LHCGR: variants seen among roughly 807,000 people sequenced by gnomAD.
LHCGR encodes luteinizing hormone/choriogonadotropin receptor.
Under a neutral mutation model 60.7 loss-of-function variants are expected in LHCGR, and 55 were observed. That is an observed-to-expected ratio of 0.91 (90% CI 0.73 to 1.13). The LOEUF (loss-of-function observed/expected upper bound fraction) is 1.13. Among genes scored for constraint, LHCGR ranks in the 50% most tolerant of loss-of-function variants. LHCGR has a pLI of 0.00. For synonymous variants in LHCGR, 337 were observed against 316.5 expected, an observed-to-expected ratio of 1.06 and a Z score of -0.69; for missense variants, 862 against 836.0, an observed-to-expected ratio of 1.03 and a Z score of -0.38.
intron 1 of LHCGR, 88 bp from the exon 2 acceptor site, chr2:48,731,386 T>A: frequency 1.2e-6 from 1 of 867,792 alleles, no homozygotes; most frequent in South Asian, 1.3e-5. Context: ...TGTGTATGTG[T>A]GTGAGAGACA....
At chr2:48,745,219 G>T (rs1474229001) in intron 1 of LHCGR, among the ~76,000 whole-genome samples, 2 of 152,220 alleles carry the variant, frequency 1.3e-5, no homozygotes, top group African/African-American at 4.8e-5. Context: ...AGGATGTGGA[G>T]AAATAGGAAC....
In LHCGR at chr2:48,755,558, G is replaced by A. The variant is rs74469055; in HGVS notation, c.114C>T (p.Pro38=). 2.1e-5 allele frequency: 33 copies of A among 1,540,802 alleles called. No homozygotes were observed. The highest frequency in any genetic ancestry group is 2.9e-5 in the Non-Finnish European group (33 of 1,145,072). ...GGCCGGGGCAGCGCAGGGCGCCGTC[G>A]GGCACGCAGTTGCAGGGCTCAGGGC... is the stretch of plus-strand genomic sequence containing the variant. ...ALCPEPCNCV[P]DGALRCPGPT... Residue 38 remains proline (P), a synonymous_variant, in exon 1 of 11, where the codon CCC becomes CCT. Coordinates refer to ENST00000294954, the MANE Select transcript of LHCGR (RefSeq NM_000233.4).
chr2:48,731,210 T>G lies in LHCGR; in HGVS notation c.233+17A>C. On this transcript the variant is annotated intron_variant, in intron 2 of 10. Transcript: ENST00000294954. The stretch of plus-strand genomic sequence containing the variant: ...TTCCAATTACGAATGTCTTTTGATA[T>G]GCAGTAACTTACTTACATTTTTATG... 1 of 1,529,576 alleles carries G rather than the reference T, an allele frequency of 6.5e-7. No individual in the cohort carries two copies. Among genetic ancestry groups the G allele is most frequent in the Non-Finnish European group, 9.1e-7 (1 of 1,104,138 alleles). 94.8% of individuals were successfully genotyped at this position (1,529,576 alleles called of 1,614,324 possible). A position where few individuals can be genotyped will look rare whatever the true frequency, so the allele number is the denominator to read the frequency against.
intron 1 of LHCGR, among the ~76,000 whole-genome samples, chr2:48,744,054 ACAAACAGAGAGC>A (rs1345876225): frequency 1.1e-5 from 1 of 92,062 alleles, no homozygotes; most frequent in Non-Finnish European, 2.1e-5. Context: ...CCAACAACAG[ACAAACAGAGAGC>A]CAAATCATGA....
chr2:48,749,576 G>A (rs1669861308), intron 1 of LHCGR, among the ~76,000 whole-genome samples: 1 of 152,008 alleles, frequency 6.6e-6, no homozygotes, highest in Non-Finnish European at 1.5e-5. Flanking sequence ...AGCCACTCTG[G>A]GAGATTATAT....
At chr2:48,711,622 G>A (rs148883176) in intron 7 of LHCGR, among the ~76,000 whole-genome samples, 1 of 152,292 alleles carries the variant, frequency 6.6e-6, no homozygotes, top group African/African-American at 2.4e-5. Flanking sequence ...CTAAATTTCT[G>A]TTTTTCCTGA....
intron 1 of LHCGR, among the ~76,000 whole-genome samples, chr2:48,749,736 A>AG (rs1176180026): frequency 6.6e-6 from 1 of 151,540 alleles, no homozygotes; most frequent in Non-Finnish European, 1.5e-5. Flanking sequence ...AAAAAAAAAA[A>AG]AAGAAGAAAA....
At chr2:48,712,918 G>A (rs1427438517) in intron 7 of LHCGR, among the ~76,000 whole-genome samples, 2 of 152,168 alleles carry the variant, frequency 1.3e-5, no homozygotes, top group South Asian at 4.2e-4. Flanking sequence ...GCCACCAAAC[G>A]ATATAGCACA....
intron 6 of LHCGR, among the ~76,000 whole-genome samples, chr2:48,716,076 T>C (rs1444276367): frequency 6.6e-6 from 1 of 152,184 alleles, no homozygotes; most frequent in Non-Finnish European, 1.5e-5. Context: ...ATTGGATTAC[T>C]GGATGCCACT....
At chr2:48,719,190 T>TGGGC (rs1668394484) in intron 6 of LHCGR, among the ~76,000 whole-genome samples, 1 of 151,846 alleles carries the variant, frequency 6.6e-6, no homozygotes, top group South Asian at 2.1e-4. Context: ...GGCATGGTGG[T>TGGGC]GGGCGCCTGT....
At chr2:48,714,871 T>A (rs938904692) in intron 6 of LHCGR, among the ~76,000 whole-genome samples, 12 of 152,132 alleles carry the variant, frequency 7.9e-5, no homozygotes, top group Middle Eastern at 3.2e-3. Flanking sequence ...AAGCAGCACA[T>A]TGTCATTTTG....
chr2:48,742,299 C>G (rs1316472033), intron 1 of LHCGR, among the ~76,000 whole-genome samples: 1 of 152,142 alleles, frequency 6.6e-6, no homozygotes, highest in Non-Finnish European at 1.5e-5. Flanking sequence ...AGAAAGTCAG[C>G]AAGGATGCCC....
chr2:48,732,769 C>T (rs1222568986), intron 1 of LHCGR: 1 of 482,560 alleles, frequency 2.1e-6, no homozygotes, highest in African/African-American at 2.0e-5. Flanking sequence ...ACCAGCCGTT[C>T]CTCCCTAGGT....
intron 2 of LHCGR, 115 bp from the exon 3 acceptor site, chr2:48,729,342 G>C: frequency 1.2e-6 from 1 of 809,494 alleles, no homozygotes. Flanking sequence ...GTGTCCCCCT[G>C]AAAAGAACAA....
At chr2:48,755,453 A>G (rs1376662977) in intron 1 of LHCGR, 58 bp downstream of exon 1, 1 of 1,108,372 alleles carries the variant, frequency 9.0e-7, no homozygotes, top group Non-Finnish European at 1.3e-6. Context: ...GGAAGGTGGC[A>G]TAGAGCGATG....
chr2:48,718,076 T>C (rs1668341593), intron 6 of LHCGR, among the ~76,000 whole-genome samples: 1 of 152,086 alleles, frequency 6.6e-6, no homozygotes, highest in Non-Finnish European at 1.5e-5. Flanking sequence ...AAAAAACATC[T>C]GGAGAGTCAC....
chr2:48,710,301 T>G (rs754609696), intron 7 of LHCGR, among the ~76,000 whole-genome samples: 5 of 152,198 alleles, frequency 3.3e-5, no homozygotes, highest in African/African-American at 1.2e-4. Flanking sequence ...AAATTTTTCT[T>G]CCTAAACCTC....
intron 1 of LHCGR, 22 bp downstream of exon 1, chr2:48,755,489 G>C: frequency 2.7e-6 from 4 of 1,487,424 alleles, no homozygotes; most frequent in South Asian, 1.2e-5. Flanking sequence ...AGGGCGCCGC[G>C]ACGGGAGCGC....
In LHCGR at chr2:48,755,494, G is replaced by A. The variant is rs1390473794; in HGVS notation, c.161+17C>T. On this transcript the variant is annotated intron_variant, in intron 1 of 10. Coordinates refer to ENST00000294954, the MANE Select transcript of LHCGR (RefSeq NM_000233.4). ...TCCTGCATCAAGGGCGCCGCGACGG[G>A]AGCGCTGTGTACTCACAGTCGAGTG... 8.6e-6 allele frequency: 13 copies of A among 1,506,732 alleles called. No homozygotes were observed. In the Admixed American group the frequency reaches 2.0e-4, roughly 23 times the overall value. 93.3% of individuals were successfully genotyped at this position (1,506,732 alleles called of 1,614,324 possible). A position where few individuals can be genotyped will look rare whatever the true frequency, so the allele number is the denominator to read the frequency against.
Sources: allele counts gnomAD v4.1 joint callset (sites outside exome capture counted in the v4.1 genomes callset), GRCh38; gene constraint gnomAD v4.1.1; transcripts MANE v1.5; gene names NCBI Gene and HGNC (gene_info 2026-07-23, HGNC 2026-07-21).